The following NRXN1 variants were observed in gnomAD, a reference collection of about 807,000 sequenced individuals.
The protein encoded by NRXN1 is neurexin 1, also known as neurexin-1.
NRXN1 carries 39 observed loss-of-function variants against 150.9 expected under a neutral mutation model. The ratio of observed to expected loss-of-function variants is 0.26; its 90% CI spans 0.20 to 0.34. The LOEUF (loss-of-function observed/expected upper bound fraction) is 0.34, where lower values mean the gene tolerates loss of function less well. NRXN1 is among the 10% of genes least tolerant of loss of function. NRXN1 has a pLI of 1.00. For synonymous variants in NRXN1, 924 were observed against 757.0 expected (o/e 1.22, Z -3.62); for missense variants, 1,815 against 1,949.9 (o/e 0.93, Z 1.30).
At chr2:50,255,934 C>T (rs556271177) in intron 17 of NRXN1, among the ~76,000 whole-genome samples, 18 of 152,256 alleles carry the variant, frequency 1.2e-4, no homozygotes, top group East Asian at 3.9e-4. Flanking sequence ...ATGACTTTCT[C>T]TTCCTTCCTT....
At chr2:50,477,038 G>C (rs886584673) in intron 15 of NRXN1, among the ~76,000 whole-genome samples, 2 of 152,086 alleles carry the variant, frequency 1.3e-5, no homozygotes, top group African/African-American at 4.8e-5. Flanking sequence ...GAAAGTATGG[G>C]AGACATTACT....
chr2:50,545,533 G>C lies in NRXN1; in HGVS notation c.1760-6897C>G, dbSNP rs75489748. Among the ~76,000 whole-genome samples the C allele has an allele frequency of 2.4e-3, 361 of 152,246 alleles. 17 individuals are homozygous for C. In the East Asian group the frequency reaches 0.05, roughly 21 times the overall value. ...AAGAGATTTGGTAGATTTTCAGAGG[G>C]CGGTTTCATTTCCCAGGTTTGACTG... is the stretch of plus-strand genomic sequence containing the variant. On this transcript the variant is annotated intron_variant, in intron 9 of 22. Transcript: ENST00000401669.
intron 2 of NRXN1, among the ~76,000 whole-genome samples, chr2:50,953,175 T>TAGC (rs1205743936): frequency 3.3e-5 from 5 of 152,190 alleles, no homozygotes; most frequent in Admixed American, 3.3e-4. Context: ...CCATTATGAA[T>TAGC]AGCACATCCA....
intron 18 of NRXN1, among the ~76,000 whole-genome samples, chr2:50,150,232 G>A (rs2058617101): frequency 6.6e-6 from 1 of 151,700 alleles, no homozygotes; most frequent in Non-Finnish European, 1.5e-5. Flanking sequence ...AAAGAGACAA[G>A]CACAACAATG....
chr2:51,024,432 C>T lies in NRXN1; in HGVS notation c.772+3070G>A, dbSNP rs577400571. Among the ~76,000 whole-genome samples, 7 of 152,126 alleles carry T rather than the reference C, an allele frequency of 4.6e-5. No individual in the cohort carries two copies. The East Asian group carries it at 1.4e-3, about 29-fold the overall frequency. On this transcript the variant is annotated intron_variant, in intron 2 of 22. Coordinates refer to ENST00000401669, the MANE Select transcript of NRXN1 (RefSeq NM_001330078.2). The stretch of plus-strand genomic sequence containing the variant: ...CCGAATGAACTGGAAATCTTATTTG[C>T]CAGACGTCAAGAAAAAGGGCTTGGG...
chr2:50,620,607 C>G (rs899903623), intron 7 of NRXN1, among the ~76,000 whole-genome samples: 1 of 152,116 alleles, frequency 6.6e-6, no homozygotes, highest in Non-Finnish European at 1.5e-5. Context: ...ATAAAAGGCG[C>G]AAGCTATTTC....
intron 17 of NRXN1, among the ~76,000 whole-genome samples, chr2:50,260,303 C>T (rs529611757): frequency 6.6e-6 from 1 of 151,956 alleles, no homozygotes; most frequent in African/African-American, 2.4e-5. Context: ...CAGAACAAGA[C>T]ATTTGCTTGA....
intron 18 of NRXN1, among the ~76,000 whole-genome samples, chr2:50,189,275 CAA>C (rs1475846224): frequency 2.6e-5 from 4 of 151,958 alleles, no homozygotes; most frequent in Non-Finnish European, 5.9e-5. Flanking sequence ...GACAGAAAAC[CAA>C]ACACTCCGTG....
At chr2:50,644,329 G>A (rs562278771) in intron 5 of NRXN1, among the ~76,000 whole-genome samples, 5 of 151,648 alleles carry the variant, frequency 3.3e-5, no homozygotes, top group Admixed American at 6.6e-5. Context: ...TTTCTGATCT[G>A]AAAAAGATAG....
chr2:50,175,518 C>A (rs1644803900), intron 18 of NRXN1, among the ~76,000 whole-genome samples: 1 of 151,828 alleles, frequency 6.6e-6, no homozygotes, highest in Non-Finnish European at 1.5e-5. Flanking sequence ...TCCAATTTTT[C>A]TTCAAGCATT....
intron 18 of NRXN1, among the ~76,000 whole-genome samples, chr2:50,212,405 T>C (rs1441214120): frequency 6.6e-6 from 1 of 151,320 alleles, no homozygotes; most frequent in African/African-American, 2.4e-5. Flanking sequence ...ATATGGCTAA[T>C]ATTAAAGGCC....
intron 21 of NRXN1, among the ~76,000 whole-genome samples, chr2:50,000,138 T>G (rs1192407187): frequency 6.6e-6 from 1 of 152,154 alleles, no homozygotes; most frequent in African/African-American, 2.4e-5. Context: ...TATGATGAAC[T>G]AATATGCACA....
At chr2:49,943,201 A>G (rs1473693248) in intron 22 of NRXN1, among the ~76,000 whole-genome samples, 2 of 152,332 alleles carry the variant, frequency 1.3e-5, no homozygotes, top group East Asian at 1.9e-4. Flanking sequence ...TCTATTAAAG[A>G]TATCAACGAG....
At chr2:50,956,955 G>C (rs1486263944) in intron 2 of NRXN1, among the ~76,000 whole-genome samples, 2 of 151,986 alleles carry the variant, frequency 1.3e-5, no homozygotes, top group Non-Finnish European at 2.9e-5. Context: ...TTTGAAACCA[G>C]AGCTGACACT....
intron 18 of NRXN1, among the ~76,000 whole-genome samples, chr2:50,152,539 T>G (rs2058756511): frequency 6.6e-6 from 1 of 151,828 alleles, no homozygotes; most frequent in South Asian, 2.1e-4. Flanking sequence ...TATCTGGGAA[T>G]ATCTTAATTT....
intron 5 of NRXN1, among the ~76,000 whole-genome samples, chr2:50,751,252 A>G (rs1169344362): frequency 6.6e-6 from 1 of 152,080 alleles, no homozygotes; most frequent in Non-Finnish European, 1.5e-5. Flanking sequence ...TTATTACATG[A>G]ATATTTAGTT....
At chr2:50,804,604 T>G (rs17041042) in intron 5 of NRXN1, among the ~76,000 whole-genome samples, 60,623 of 151,972 alleles carry the variant, frequency 0.4, 12,279 homozygotes, top group African/African-American at 0.43. Context: ...TGAATACAGT[T>G]AACACTGTGC....
At chr2:50,396,550 G>C (rs1487503977) in intron 17 of NRXN1, among the ~76,000 whole-genome samples, 1 of 152,006 alleles carries the variant, frequency 6.6e-6, no homozygotes, top group Non-Finnish European at 1.5e-5. Flanking sequence ...TTTGTTTTTG[G>C]AATGGGTTAT....
chr2:50,538,841 G>C (rs975278231), intron 9 of NRXN1, among the ~76,000 whole-genome samples: 7 of 137,378 alleles, frequency 5.1e-5, no homozygotes, highest in African/African-American at 2.1e-4. Context: ...AGACTAAATG[G>C]TTCCATTTGA....
Sources: gnomAD v4.1 joint callset for allele counts (sites outside exome capture counted in the v4.1 genomes callset) on GRCh38, gnomAD v4.1.1 for gene constraint, MANE v1.5 for transcripts, NCBI Gene and HGNC (gene_info 2026-07-23, HGNC 2026-07-21) for gene names.